The following MAPK8IP1 variants were observed in gnomAD, a reference collection of about 807,000 sequenced individuals.
MAPK8IP1 encodes the protein mitogen-activated protein kinase 8 interacting protein 1.
Under a neutral mutation model 72.6 loss-of-function variants are expected in MAPK8IP1, and 17 were observed. The ratio of observed to expected loss-of-function variants is 0.23; its 90% CI spans 0.16 to 0.35. The LOEUF (loss-of-function observed/expected upper bound fraction) is 0.35, where lower values mean the gene tolerates loss of function less well. Among genes scored for constraint, MAPK8IP1 ranks in the 10% least tolerant of loss-of-function variants. The probability of loss-of-function intolerance (pLI) is 1.00; values close to 1 mark genes in which losing one functional copy is unlikely to be tolerated. For missense variants in MAPK8IP1, 789 were observed against 1,009.7 expected, an observed-to-expected ratio of 0.78 and a Z score of 2.96; for synonymous variants, 401 against 443.4, an observed-to-expected ratio of 0.90 and a Z score of 1.20.
chr11:45,891,242 C>T (rs1450986492), intron 1 of MAPK8IP1, among the ~76,000 whole-genome samples: 1 of 152,208 alleles, frequency 6.6e-6, no homozygotes, highest in Non-Finnish European at 1.5e-5. Flanking sequence ...AGCCACCATC[C>T]ACACGTAGTT....
intron 1 of MAPK8IP1, chr11:45,896,663 G>T (rs2086607916): frequency 7.1e-7 from 1 of 1,404,562 alleles, no homozygotes; most frequent in Non-Finnish European, 9.3e-7. Flanking sequence ...AAGAGCTGGG[G>T]CTGGGACCCG....
chr11:45,893,378 G>C (rs1418788521), intron 1 of MAPK8IP1, among the ~76,000 whole-genome samples: 1 of 152,194 alleles, frequency 6.6e-6, no homozygotes, highest in South Asian at 2.1e-4. Context: ...AGCTCAGGGT[G>C]GGGTGGGAGC....
In MAPK8IP1 at chr11:45,903,900, A is replaced by G. The variant is rs578040080; in HGVS notation, c.1494-89A>G. 24 of 1,219,266 alleles carry G rather than the reference A, an allele frequency of 2.0e-5. No homozygotes were observed. In the South Asian group the frequency reaches 2.9e-4, roughly 15 times the overall value. 75.5% of individuals were successfully genotyped at this position (1,219,266 alleles called of 1,614,324 possible). ...GCTTTTGCAAATGTTTACTGAAATA[A>G]CGATGCTGCTGTGGCTCCCAGACCC... On this transcript the variant is annotated intron_variant, in intron 6 of 11. Coordinates refer to ENST00000241014, the MANE Select transcript of MAPK8IP1 (RefSeq NM_005456.4). This position sits in a 1 kb window ranked among gnomAD's most constrained non-coding sequence, Gnocchi z 6.4.
intron 1 of MAPK8IP1, among the ~76,000 whole-genome samples, chr11:45,897,453 G>T (rs1017772750): frequency 1.3e-5 from 2 of 152,210 alleles, no homozygotes; most frequent in African/African-American, 4.8e-5. Flanking sequence ...CCTGTTCAGG[G>T]TCCTTACACT....
In MAPK8IP1 at chr11:45,902,524, G is replaced by A; in HGVS notation, c.757G>A (p.Ala253Thr). The change falls in exon 5 of 12, where the codon GCT becomes ACT. Residue 253 changes from alanine to threonine, a missense_variant. Physicochemically the swap from Ala to Thr is moderately conservative, Grantham distance 58. Around this residue, in one of 4 missense-constraint regions of MAPK8IP1, gnomAD observed 377 missense variants for 411.7 expected, o/e 0.92. Coordinates refer to ENST00000241014, the MANE Select transcript of MAPK8IP1 (RefSeq NM_005456.4). The surrounding 1 kb of genome is among the most constrained non-coding windows in gnomAD (Gnocchi z 9.3). ...TQMAPPGGPPAAPPGGRGHSH... is the reference protein window; with the variant it reads ...TQMAPPGGPPTAPPGGRGHSH... ...GATGGCACCTCCGGGTGGTCCCCCT[G>A]CTGCCCCGCCTGGGGGTCGGGGCCA... is the stretch of plus-strand genomic sequence containing the variant. 6.2e-7 allele frequency: 1 copy of A among 1,611,012 alleles called. No individual in the cohort carries two copies. Among genetic ancestry groups the A allele is most frequent in the Non-Finnish European group, 8.5e-7 (1 of 1,179,206 alleles).
At chr11:45,894,019 T>C (rs544267632) in intron 1 of MAPK8IP1, among the ~76,000 whole-genome samples, 2 of 152,108 alleles carry the variant, frequency 1.3e-5, no homozygotes, top group East Asian at 3.9e-4. Flanking sequence ...CCCTTGATCC[T>C]TGGTAGTGAC....
At position 45,897,087 on chromosome 11, in the gene MAPK8IP1, T is replaced by A. The variant is rs1167549561; in HGVS notation, c.102-998T>A. 3.5e-6 allele frequency: 3 copies of A among 868,348 alleles called. No homozygotes were observed. The Admixed American group carries it at 6.6e-5, about 19-fold the overall frequency. 53.8% of individuals were successfully genotyped at this position (868,348 alleles called of 1,614,324 possible). A position where few individuals can be genotyped will look rare whatever the true frequency, so the allele number is the denominator to read the frequency against. On this transcript the variant is annotated intron_variant, in intron 1 of 11. Coordinates refer to ENST00000241014, the MANE Select transcript of MAPK8IP1 (RefSeq NM_005456.4). Reference sequence around the variant, plus strand: ...TTCCCCTGGGGGCTAAGCCACCATCTCTCCTGGGTGACCTTGAACTAGTGG... The same window carrying A: ...TTCCCCTGGGGGCTAAGCCACCATCACTCCTGGGTGACCTTGAACTAGTGG...
intron 1 of MAPK8IP1, among the ~76,000 whole-genome samples, chr11:45,894,400 A>G (rs1478470782): frequency 6.7e-6 from 1 of 148,396 alleles, no homozygotes. Context: ...AACCCACCCC[A>G]GTAGAGCCAG....
rs2086658333 is a variant in MAPK8IP1, at chr11:45,902,123, G to C, written c.604+62G>C. The C allele has an allele frequency of 7.0e-7, 1 of 1,423,504 alleles. No individual in the cohort carries two copies. The allele number at this position is 1,423,504 out of a possible 1,614,324, so 88.2% of individuals were successfully genotyped here. ...CTGCCCTGACTCAGTCCCCACTACA[G>C]AGAGCAAACCCTACAGTCTCCAAAG... is the stretch of plus-strand genomic sequence containing the variant. On this transcript the variant is annotated intron_variant, in intron 4 of 11. Coordinates refer to ENST00000241014, the MANE Select transcript of MAPK8IP1 (RefSeq NM_005456.4). This position sits in a 1 kb window ranked among gnomAD's most constrained non-coding sequence, Gnocchi z 9.3.
At chr11:45,895,492 C>T (rs2086596405) in intron 1 of MAPK8IP1, among the ~76,000 whole-genome samples, 1 of 151,860 alleles carries the variant, frequency 6.6e-6, no homozygotes, top group Non-Finnish European at 1.5e-5. Context: ...TGGTGATGCA[C>T]ACCTGCAATC....
Position 45,904,732 on chromosome 11 carries a change from C to T in MAPK8IP1, c.1791C>T (p.Arg597=), listed in dbSNP as rs2086689301. 1 of 1,613,950 alleles carries T rather than the reference C, an allele frequency of 6.2e-7. No individual in the cohort carries two copies. The highest frequency in any genetic ancestry group is 1.1e-5 in the South Asian group (1 of 91,090). Residue 597 remains arginine, a synonymous_variant, in exon 9 of 12, where the codon CGC becomes CGT. Transcript: ENST00000241014. The surrounding 1 kb of genome is among the most constrained non-coding windows in gnomAD (Gnocchi z 6.4). ...CAAMQKIATT[R]RLTVHFNPPS... ...GTCACCTGTAGATTGCCACCACCCG[C>T]CGGCTCACCGTGCACTTTAACCCGC...
At chr11:45,905,473 C>T (rs57160377) in intron 11 of MAPK8IP1, among the ~76,000 whole-genome samples, 176 bp from the exon 12 acceptor site, 2,961 of 152,302 alleles carry the variant, frequency 0.019, 84 homozygotes, top group African/African-American at 0.067. Flanking sequence ...CTTCAACTGA[C>T]ATCTTACTGG....
chr11:45,887,563 T>C (rs1462877999), intron 1 of MAPK8IP1, among the ~76,000 whole-genome samples: 2 of 152,166 alleles, frequency 1.3e-5, no homozygotes, highest in Non-Finnish European at 2.9e-5. Context: ...CTGTGCGTGT[T>C]TAGTCCACTC....
chr11:45,896,617 G>A lies in MAPK8IP1; in HGVS notation c.102-1468G>A, dbSNP rs529312242. On this transcript the variant is annotated intron_variant, in intron 1 of 11. Transcript: ENST00000241014. Reference sequence around the variant, plus strand: ...CAGCAGCGCAAGGGCCAGGCCAGCCGGGAGGAAGGTGCCTGCAGCTGAGGG... The same window carrying A: ...CAGCAGCGCAAGGGCCAGGCCAGCCAGGAGGAAGGTGCCTGCAGCTGAGGG... The A allele has an allele frequency of 2.2e-5, 30 of 1,350,978 alleles. No individual in the cohort carries two copies. The South Asian group carries it at 2.9e-4, about 13-fold the overall frequency. The allele number at this position is 1,350,978 out of a possible 1,614,324, so 83.7% of individuals were successfully genotyped here.
At chr11:45,894,982 C>G (rs2086592503) in intron 1 of MAPK8IP1, among the ~76,000 whole-genome samples, 1 of 152,226 alleles carries the variant, frequency 6.6e-6, no homozygotes, top group East Asian at 1.9e-4. Context: ...TAACTGAGCA[C>G]TCTTCCAGCA....
chr11:45,901,780 C>T (rs1299896971), intron 3 of MAPK8IP1, among the ~76,000 whole-genome samples, 200 bp from the exon 4 acceptor site: 1 of 152,214 alleles, frequency 6.6e-6, no homozygotes, highest in Non-Finnish European at 1.5e-5. Context: ...GAGGGCCATC[C>T]AGAGCCGGCA....
rs1200355841 is a variant in MAPK8IP1, at chr11:45,903,209, G to C, written c.1417+25G>C. The C allele has an allele frequency of 6.3e-7, 1 of 1,594,852 alleles. No individual in the cohort carries two copies. Among genetic ancestry groups the C allele is most frequent in the Non-Finnish European group, 8.5e-7 (1 of 1,171,822 alleles). ...AGTGAGTCAGCAAGGGGAAGCAGTG[G>C]GGTGGGGGGGTCCCTAGCGGGGGCA... is the stretch of plus-strand genomic sequence containing the variant. On this transcript the variant is annotated intron_variant, in intron 5 of 11. Coordinates refer to ENST00000241014, the MANE Select transcript of MAPK8IP1 (RefSeq NM_005456.4). The surrounding 1 kb of genome is among the most constrained non-coding windows in gnomAD (Gnocchi z 6.4).
chr11:45,903,365 G>A lies in MAPK8IP1; in HGVS notation c.1418G>A (p.Ser473Asn). 6.2e-7 allele frequency: 1 copy of A among 1,613,780 alleles called. No homozygotes were observed. The highest frequency in any genetic ancestry group is 8.5e-7 in the Non-Finnish European group (1 of 1,179,962). Residue 473 changes from serine (S) to asparagine (N), a missense_variant and splice_region_variant, in exon 6 of 12, where the codon AGT becomes AAT. This residue lies in a region of MAPK8IP1 where 377 missense variants were observed against 411.7 expected (regional missense o/e 0.92). Transcript: ENST00000241014. The surrounding 1 kb of genome is among the most constrained non-coding windows in gnomAD (Gnocchi z 6.4). ...VFMSGRSRSS[S>N]AESFGLFSCI... Reference sequence around the variant, plus strand: ...TCCAGCCACACCACCTCACCTGCAGGTGCTGAGTCCTTCGGGCTGTTCTCC... The same window carrying A: ...TCCAGCCACACCACCTCACCTGCAGATGCTGAGTCCTTCGGGCTGTTCTCC...
In MAPK8IP1 at chr11:45,900,994, C is replaced by G. The variant is rs1051880582; in HGVS notation, c.522+542C>G. On this transcript the variant is annotated intron_variant, in intron 3 of 11. Transcript: ENST00000241014. The surrounding 1 kb of genome is among the most constrained non-coding windows in gnomAD (Gnocchi z 6.5). ...GGGGGAGGAATGGGAGATGGAGCTGCTTGGCTAAGTTGGGGACCTAGGGCC... is the reference window on the plus strand; with the variant it reads ...GGGGGAGGAATGGGAGATGGAGCTGGTTGGCTAAGTTGGGGACCTAGGGCC... Among the ~76,000 whole-genome samples the G allele has an allele frequency of 6.6e-6, 1 of 152,024 alleles. No homozygotes were observed. The highest frequency in any genetic ancestry group is 2.1e-4 in the South Asian group (1 of 4,814).
Sources: gnomAD v4.1 joint callset for allele counts (sites outside exome capture counted in the v4.1 genomes callset) on GRCh38, gnomAD v4.1.1 for gene constraint, gnomAD v4.1.1 regional missense constraint, Gnocchi (gnomAD v3.1) non-coding constraint, MANE v1.5 for transcripts, NCBI Gene and HGNC (gene_info 2026-07-23, HGNC 2026-07-21) for gene names.